The following SYN2 variants were observed in gnomAD, a reference collection of about 807,000 sequenced individuals.
SYN2 encodes the protein synapsin II.
A neutral mutation model predicts 50.9 loss-of-function variants in SYN2; 19 were observed. The observed-to-expected ratio is 0.37, with a 90% CI of 0.26 to 0.55. SYN2 has a LOEUF of 0.55. Among genes scored for constraint, SYN2 ranks in the 20% least tolerant of loss-of-function variants. The pLI is 0.81. For synonymous variants in SYN2, 255 were observed against 224.9 expected (o/e 1.13, Z -1.20); for missense variants, 587 against 576.4 (o/e 1.02, Z -0.19).
chr3:12,145,626 T>C, intron 3 of SYN2, 53 bp from the exon 4 acceptor site: 1 of 1,589,806 alleles, frequency 6.3e-7, no homozygotes, highest in Admixed American at 1.7e-5. Context: ...ACCAAAATGA[T>C]GTATGGCCTG....
intron 1 of SYN2, among the ~76,000 whole-genome samples, chr3:12,115,564 C>T (rs186430532): frequency 9.4e-4 from 143 of 152,222 alleles, no homozygotes; most frequent in Non-Finnish European, 1.5e-3. Context: ...AACTTTTATT[C>T]ATTCCGTATT....
intron 1 of SYN2, among the ~76,000 whole-genome samples, chr3:12,064,459 A>G (rs896853333): frequency 6.6e-6 from 1 of 152,138 alleles, no homozygotes; most frequent in African/African-American, 2.4e-5. Flanking sequence ...GAATTCACAG[A>G]ATCGGGGGGA....
At chr3:12,158,693 C>T (rs780870172) in intron 5 of SYN2, 37 of 1,609,876 alleles carry the variant, frequency 2.3e-5, no homozygotes, top group Middle Eastern at 1.6e-4. Flanking sequence ...TCGCGGACCT[C>T]GGACTCACCA....
intron 10 of SYN2, among the ~76,000 whole-genome samples, chr3:12,173,612 C>T (rs1697985575): frequency 6.6e-6 from 1 of 152,136 alleles, no homozygotes; most frequent in Non-Finnish European, 1.5e-5. Context: ...TGAAATGGCC[C>T]TTGTCAAAGT....
chr3:12,133,987 T>G (rs899090340), intron 1 of SYN2, among the ~76,000 whole-genome samples: 1 of 151,880 alleles, frequency 6.6e-6, no homozygotes, highest in Non-Finnish European at 1.5e-5. Context: ...GGCTACAGAG[T>G]TTTTGTTTGG....
intron 10 of SYN2, among the ~76,000 whole-genome samples, chr3:12,175,633 T>A (rs553773087): frequency 6.6e-6 from 1 of 152,236 alleles, no homozygotes; most frequent in Non-Finnish European, 1.5e-5. Flanking sequence ...TCTCTATCGT[T>A]GTCCTTAGCT....
Position 12,139,856 on chromosome 3 carries a change from G to A in SYN2, c.378-795G>A, listed in dbSNP as rs1236412463. Among the ~76,000 whole-genome samples the A allele has an allele frequency of 2.0e-5, 3 of 152,306 alleles. No homozygotes were observed. The East Asian group carries it at 5.8e-4, about 29-fold the overall frequency. On this transcript the variant is annotated intron_variant, in intron 1 of 12. Transcript: ENST00000621198. ...AATCTAATGTGGGGAGGGCAGGTTA[G>A]AAGCAAAGTAGGAATTAATATAAAT... is the stretch of plus-strand genomic sequence containing the variant.
intron 1 of SYN2, among the ~76,000 whole-genome samples, chr3:12,050,798 C>T (rs1375096432): frequency 1.6e-5 from 2 of 127,068 alleles, no homozygotes; most frequent in African/African-American, 2.8e-5. Flanking sequence ...TGCAGTGGCG[C>T]GATCTCGGCT....
rs1696996320 is a variant in SYN2, at chr3:12,140,666, G to C, written c.393G>C (p.Arg131=). ...TTTTCTCCAGGGCCAAGTGCTTTCG[G>C]GGCAAAAAAGTCCTTGGAGATTATG... The part of the protein sequence containing the change: ...EPHADWAKCF[R]GKKVLGDYDI... The change falls in exon 2 of 13, where the codon CGG becomes CGC. Residue 131 remains arginine (R), a synonymous_variant. Transcript: ENST00000621198. 1.3e-6 allele frequency: 1 copy of C among 763,992 alleles called. No individual in the cohort carries two copies. Among genetic ancestry groups the C allele is most frequent in the East Asian group, 2.4e-5 (1 of 40,930 alleles). The allele number at this position is 763,992 out of a possible 1,614,324, so 47.3% of individuals were successfully genotyped here. A position where few individuals can be genotyped will look rare whatever the true frequency, so the allele number is the denominator to read the frequency against.
chr3:12,022,829 T>A (rs901286802), intron 1 of SYN2, among the ~76,000 whole-genome samples: 1 of 152,110 alleles, frequency 6.6e-6, no homozygotes, highest in Admixed American at 6.5e-5. Flanking sequence ...ATGACAGGTA[T>A]GAGCCACCGT....
At chr3:12,019,601 A>T (rs1338562083) in intron 1 of SYN2, among the ~76,000 whole-genome samples, 1 of 152,214 alleles carries the variant, frequency 6.6e-6, no homozygotes, top group Non-Finnish European at 1.5e-5. Flanking sequence ...CAGATAACTT[A>T]TGCAGTCAGG....
At chr3:12,039,548 GATTTTTTTTTT>G (rs1694567285) in intron 1 of SYN2, among the ~76,000 whole-genome samples, 1 of 63,560 alleles carries the variant, frequency 1.6e-5, no homozygotes, top group African/African-American at 6.1e-5. Flanking sequence ...AAGAAGCAAA[GATTTTTTTTTT>G]TTTTTTTTTT....
chr3:12,135,236 G>A (rs1194837055), intron 1 of SYN2, among the ~76,000 whole-genome samples: 1 of 152,198 alleles, frequency 6.6e-6, no homozygotes, highest in East Asian at 1.9e-4. Context: ...GTGGCGGCCG[G>A]CGCTCACAAA....
At chr3:12,055,577 T>C (rs908982479) in intron 1 of SYN2, among the ~76,000 whole-genome samples, 1 of 152,178 alleles carries the variant, frequency 6.6e-6, no homozygotes, top group African/African-American at 2.4e-5. Flanking sequence ...TATTTGCAGT[T>C]ATGAATTTTT....
chr3:12,178,752 A>G (rs980260989), intron 10 of SYN2, among the ~76,000 whole-genome samples: 5 of 152,254 alleles, frequency 3.3e-5, no homozygotes, highest in African/African-American at 1.2e-4. Flanking sequence ...TACATTGCCT[A>G]ACACTTTACA....
At chr3:12,091,836 G>T (rs556862435) in intron 1 of SYN2, among the ~76,000 whole-genome samples, 4 of 152,318 alleles carry the variant, frequency 2.6e-5, no homozygotes, top group Admixed American at 1.3e-4. Flanking sequence ...AGCAGCCTAT[G>T]TACAACTGTT....
At chr3:12,137,022 G>A (rs965059580) in intron 1 of SYN2, among the ~76,000 whole-genome samples, 3 of 152,130 alleles carry the variant, frequency 2.0e-5, no homozygotes, top group Non-Finnish European at 4.4e-5. Context: ...AAGGCAGGAG[G>A]ATTGCTTGAG....
At chr3:12,184,209 T>C (rs1180423064) in intron 11 of SYN2, 1 of 985,724 alleles carries the variant, frequency 1.0e-6, no homozygotes, top group African/African-American at 1.7e-5. Context: ...TAATTAACTA[T>C]GAGATTTTTA....
chr3:12,057,217 A>G (rs1695010203), intron 1 of SYN2, among the ~76,000 whole-genome samples: 1 of 151,720 alleles, frequency 6.6e-6, no homozygotes, highest in Non-Finnish European at 1.5e-5. Flanking sequence ...GCTTGAACCC[A>G]GGAGGCAGAG....
Sources: gnomAD v4.1 joint callset for allele counts (sites outside exome capture counted in the v4.1 genomes callset) on GRCh38, gnomAD v4.1.1 for gene constraint, MANE v1.5 for transcripts, NCBI Gene and HGNC (gene_info 2026-07-23, HGNC 2026-07-21) for gene names.